The following FBN2 variants were observed in gnomAD, a reference collection of about 807,000 sequenced individuals.
The protein encoded by FBN2 is fibrillin 2.
In FBN2, 105 loss-of-function variants were observed where a neutral mutation model predicts 355.6. The observed-to-expected ratio is 0.30, with a 90% CI of 0.25 to 0.35. The LOEUF (loss-of-function observed/expected upper bound fraction) is 0.35, where lower values mean the gene tolerates loss of function less well. FBN2 is among the 10% of genes least tolerant of loss of function. FBN2 has a pLI of 1.00. For missense variants in FBN2, 3,280 were observed against 3,758.7 expected, an observed-to-expected ratio of 0.87 and a Z score of 3.33; for synonymous variants, 1,350 against 1,301.2, an observed-to-expected ratio of 1.04 and a Z score of -0.81.
rs1414999963 is a variant in FBN2, at chr5:128,335,516, T to G, written c.3786A>C (p.Gly1262=). 4.3e-6 allele frequency: 7 copies of G among 1,613,748 alleles called. No homozygotes were observed. The East Asian group carries it at 1.6e-4, about 36-fold the overall frequency. Residue 1262 remains glycine, a synonymous_variant, in exon 29 of 65, where the codon GGA becomes GGC. Coordinates refer to ENST00000262464, the MANE Select transcript of FBN2 (RefSeq NM_001999.4). ...CCTCACTGCAGCTGCATTCGTAGCT[T>G]CCCTCTGAATTTGTGCACTGGGTGT... is the stretch of plus-strand genomic sequence containing the variant. ...GCDTQCTNSE[G]SYECSCSEGY...
Position 128,289,250 on chromosome 5 carries a change from CATCTAAAAT to C in FBN2, c.6512-7_6513del. 1 of 1,613,938 alleles carries C rather than the reference CATCTAAAAT, an allele frequency of 6.2e-7. No individual in the cohort carries two copies. Among genetic ancestry groups the C allele is most frequent in the Non-Finnish European group, 8.5e-7 (1 of 1,179,862 alleles). On this transcript the variant is annotated splice_acceptor_variant and splice_polypyrimidine_tract_variant and coding_sequence_variant and intron_variant, in exon 52 of 65. Transcript: ENST00000262464. LOFTEE classifies it high-confidence loss of function. ...CCTGGGCTCTCAAGACACTCATTGA[CATCTAAAAT>C]ATAGAACTGCATGTGAATTTCCTCA... is the stretch of plus-strand genomic sequence containing the variant.
At chr5:128,349,727 A>G (rs1179990905) in intron 22 of FBN2, among the ~76,000 whole-genome samples, 2 of 152,228 alleles carry the variant, frequency 1.3e-5, no homozygotes, top group Non-Finnish European at 2.9e-5. Context: ...CTTAAAGGCT[A>G]GCGATGTCTT....
intron 7 of FBN2, among the ~76,000 whole-genome samples, chr5:128,425,430 A>G (rs1202462690): frequency 6.6e-6 from 1 of 152,198 alleles, no homozygotes; most frequent in African/African-American, 2.4e-5. Context: ...TAAATTTACT[A>G]TACTTATTTG....
chr5:128,445,770 T>C (rs928664499), intron 7 of FBN2, among the ~76,000 whole-genome samples: 14 of 152,174 alleles, frequency 9.2e-5, no homozygotes, highest in South Asian at 2.1e-4. Flanking sequence ...TCCATGATCA[T>C]TGAAGCCACA....
rs536920313 is a variant in FBN2 at position 128,319,020 on chromosome 5, A to G, written c.4472-19T>C. The G allele has an allele frequency of 6.3e-7, 1 of 1,579,212 alleles. No individual in the cohort carries two copies. Among genetic ancestry groups the G allele is most frequent in the Non-Finnish European group, 8.7e-7 (1 of 1,148,638 alleles). On this transcript the variant is annotated intron_variant, in intron 34 of 64. Transcript: ENST00000262464. The stretch of plus-strand genomic sequence containing the variant: ...TCAATATCTGAAGATTTTAAAAAAA[A>G]GTAATCTCTTATTTAAGAAGACATT...
chr5:128,292,145 T>C lies in FBN2; in HGVS notation c.6167-491A>G, dbSNP rs531719473. Among the ~76,000 whole-genome samples the C allele has an allele frequency of 3.3e-5, 5 of 152,282 alleles. No individual in the cohort carries two copies. In the South Asian group the frequency reaches 8.3e-4, roughly 25 times the overall value. ...CATCATTTGCCACCAGTCTCTCAAC[T>C]GATGTCTACATCTCCTGAATGTCTT... On this transcript the variant is annotated intron_variant, in intron 48 of 64. Coordinates refer to ENST00000262464, the MANE Select transcript of FBN2 (RefSeq NM_001999.4).
chr5:128,351,270 G>A (rs1751355930), intron 20 of FBN2, among the ~76,000 whole-genome samples: 1 of 151,384 alleles, frequency 6.6e-6, no homozygotes, highest in Admixed American at 6.6e-5. Context: ...AGTGGGGCTG[G>A]GTGCAGTGGC....
In FBN2 at chr5:128,323,412, ATTATT is replaced by A. The variant is rs548460005; in HGVS notation, c.4472-4416_4472-4412del. 8.5e-5 allele frequency among the ~76,000 whole-genome samples: 13 copies of A among 152,244 alleles called. 1 individual carries two copies. The highest frequency in any genetic ancestry group is 8.3e-4 in the South Asian group (4 of 4,822). ...TGTGGGTTTGTCATAAATAGCTCCT[ATTATT>A]TTGAGATACATTCCATCTATATCAA... On this transcript the variant is annotated intron_variant, in intron 34 of 64. Transcript: ENST00000262464.
At chr5:128,264,038 A>G (rs1276989521) in intron 62 of FBN2, among the ~76,000 whole-genome samples, 1 of 152,172 alleles carries the variant, frequency 6.6e-6, no homozygotes, top group African/African-American at 2.4e-5. Context: ...CGGGAGGAAG[A>G]AATGGGAAAT....
chr5:128,334,897 A>G (rs1750794595), intron 30 of FBN2, 53 bp from the exon 31 acceptor site: 1 of 1,502,118 alleles, frequency 6.7e-7, no homozygotes, highest in Non-Finnish European at 9.3e-7. Context: ...GTAATTTAAA[A>G]GCTATCTTCT....
At position 128,536,414 on chromosome 5, in the gene FBN2, G is replaced by GGA; in HGVS notation, c.324_325insTC (p.Gln109SerfsTer44). 1 of 1,613,922 alleles carries GGA rather than the reference G, an allele frequency of 6.2e-7. No individual in the cohort carries two copies. Among genetic ancestry groups the GGA allele is most frequent in the Non-Finnish European group, 8.5e-7 (1 of 1,179,872 alleles). On this transcript the variant is annotated frameshift_variant, in exon 2 of 65. Transcript: ENST00000262464. LOFTEE classifies it high-confidence loss of function. ...GCCAAGCACTCACGGACAATGCACT[G>GGA]GTTTCCTCCAGGGAGCGTCTTCCAT...
chr5:128,318,002 A>G, intron 36 of FBN2, 147 bp downstream of exon 36: 1 of 816,686 alleles, frequency 1.2e-6, no homozygotes, highest in Non-Finnish European at 2.0e-6. Flanking sequence ...GGAGCAGATG[A>G]TTTGGAAGAG....
At chr5:128,462,209 A>T (rs1244719283) in intron 6 of FBN2, among the ~76,000 whole-genome samples, 3 of 152,112 alleles carry the variant, frequency 2.0e-5, no homozygotes, top group Non-Finnish European at 4.4e-5. Flanking sequence ...ACATAGTTGA[A>T]ATTTATTTTT....
chr5:128,479,744 C>G (rs1312334994), intron 5 of FBN2, among the ~76,000 whole-genome samples: 1 of 151,712 alleles, frequency 6.6e-6, no homozygotes, highest in Non-Finnish European at 1.5e-5. Flanking sequence ...CTGGGCAACA[C>G]GGCAAGACTC....
In FBN2 at chr5:128,268,671, T is replaced by C. The variant is rs143106591; in HGVS notation, c.7960+3328A>G. On this transcript the variant is annotated intron_variant, in intron 62 of 64. Coordinates refer to ENST00000262464, the MANE Select transcript of FBN2 (RefSeq NM_001999.4). ...ATCCAGCAGCACATCAAAAAACTTA[T>C]CCACCATGATAAAGTCGGCTTCATC... Among the ~76,000 whole-genome samples, 675 of 152,284 alleles carry C rather than the reference T, an allele frequency of 4.4e-3. 6 individuals carry two copies. Among genetic ancestry groups the C allele is most frequent in the Middle Eastern group, 6.8e-3 (2 of 294 alleles).
At chr5:128,473,155 A>T (rs1754918192) in intron 5 of FBN2, among the ~76,000 whole-genome samples, 1 of 152,222 alleles carries the variant, frequency 6.6e-6, no homozygotes. Flanking sequence ...CTGCTGGGTC[A>T]AGTGTCCAGC....
chr5:128,335,289 T>C lies in FBN2; in HGVS notation c.3854A>G (p.Asp1285Gly). ...GATATCAGGATTGTTTTCACATTCA[T>C]CAATGTCTGATGATACAAAATTAGC... The part of the protein sequence containing the change: ...MPDGRSCADI[D>G]ECENNPDICD... Residue 1285 changes from aspartate to glycine, a missense_variant, in exon 30 of 65, where the codon GAT becomes GGT. Transcript: ENST00000262464. 1 of 1,614,182 alleles carries C rather than the reference T, an allele frequency of 6.2e-7. No homozygotes were observed. The highest frequency in any genetic ancestry group is 1.1e-5 in the South Asian group (1 of 91,086).
intron 5 of FBN2, among the ~76,000 whole-genome samples, chr5:128,504,739 G>A (rs1003168060): frequency 1.3e-4 from 20 of 152,286 alleles, no homozygotes; most frequent in African/African-American, 4.6e-4. Flanking sequence ...TCTCAGATTA[G>A]ACTTTGGAAT....
chr5:128,449,970 C>T (rs1004757421), intron 6 of FBN2, among the ~76,000 whole-genome samples: 1 of 152,054 alleles, frequency 6.6e-6, no homozygotes. Flanking sequence ...GGGGTCAATT[C>T]ATCAAGAAGA....
Sources: gnomAD v4.1 joint callset for allele counts (sites outside exome capture counted in the v4.1 genomes callset) on GRCh38, gnomAD v4.1.1 for gene constraint, MANE v1.5 for transcripts, NCBI Gene and HGNC (gene_info 2026-07-23, HGNC 2026-07-21) for gene names.